The following FAM53B variants were observed in gnomAD, a reference collection of about 807,000 sequenced individuals.
The protein encoded by FAM53B is family with sequence similarity 53 member B, also known as protein FAM53B.
FAM53B carries 12 observed loss-of-function variants against 32.7 expected under a neutral mutation model. The observed-to-expected ratio is 0.37, with a 90% CI of 0.24 to 0.59. FAM53B has a LOEUF of 0.59. FAM53B is among the 20% of genes least tolerant of loss of function. The pLI, the probability that FAM53B is intolerant of heterozygous loss-of-function variation, is 0.72. For missense variants in FAM53B, 477 were observed against 577.7 expected (o/e 0.83, Z 1.79); for synonymous variants, 234 against 228.7 (o/e 1.02, Z -0.21).
At chr10:124,655,464 T>C (rs1359118472) in intron 4 of FAM53B, among the ~76,000 whole-genome samples, 1 of 151,044 alleles carries the variant, frequency 6.6e-6, no homozygotes, top group Non-Finnish European at 1.5e-5. Flanking sequence ...CCCACGAAGC[T>C]TCTCAGGACG....
At chr10:124,697,642 T>C (rs1262187349) in intron 2 of FAM53B, among the ~76,000 whole-genome samples, 1 of 152,018 alleles carries the variant, frequency 6.6e-6, no homozygotes, top group African/African-American at 2.4e-5. Flanking sequence ...AGATCAGGGC[T>C]GGAGGGGATG....
At chr10:124,719,936 G>C (rs1370577919) in intron 1 of FAM53B, among the ~76,000 whole-genome samples, 1 of 152,184 alleles carries the variant, frequency 6.6e-6, no homozygotes, top group Admixed American at 6.5e-5. Flanking sequence ...GCCAAGGCAG[G>C]CAGATCACCT....
chr10:124,670,350 T>C (rs1949700710), intron 4 of FAM53B, among the ~76,000 whole-genome samples: 2 of 152,148 alleles, frequency 1.3e-5, no homozygotes, highest in Non-Finnish European at 1.5e-5. Context: ...AAGATAAGCA[T>C]AGCAGTCAGG....
At chr10:124,654,125 C>T (rs1408579634) in intron 4 of FAM53B, among the ~76,000 whole-genome samples, 2 of 152,186 alleles carry the variant, frequency 1.3e-5, no homozygotes, top group Non-Finnish European at 2.9e-5. Context: ...CAGGTGCTAT[C>T]CTAAAGAAAG....
At chr10:124,699,951 G>A (rs1002547812) in intron 2 of FAM53B, among the ~76,000 whole-genome samples, 2 of 152,230 alleles carry the variant, frequency 1.3e-5, no homozygotes, top group African/African-American at 4.8e-5. Context: ...GCTTCAGGGA[G>A]TTCTCTTTCG....
At chr10:124,741,063 G>T (rs1008834275) in intron 1 of FAM53B, among the ~76,000 whole-genome samples, 2 of 152,224 alleles carry the variant, frequency 1.3e-5, no homozygotes, top group African/African-American at 2.4e-5. Context: ...CACCACTGGG[G>T]TTTGCAAGGA....
At chr10:124,702,050 G>C (rs1395270390) in intron 2 of FAM53B, among the ~76,000 whole-genome samples, 1 of 152,140 alleles carries the variant, frequency 6.6e-6, no homozygotes. Flanking sequence ...CCAGGGTTGC[G>C]AGGACCCTGG....
intron 1 of FAM53B, among the ~76,000 whole-genome samples, chr10:124,724,357 G>C (rs1950089453): frequency 6.6e-6 from 1 of 152,188 alleles, no homozygotes; most frequent in Non-Finnish European, 1.5e-5. Flanking sequence ...AGACAGGTCA[G>C]CTGCCACAAC....
At chr10:124,691,893 T>C (rs1456389105) in intron 3 of FAM53B, among the ~76,000 whole-genome samples, 1 of 152,166 alleles carries the variant, frequency 6.6e-6, no homozygotes, top group Non-Finnish European at 1.5e-5. Context: ...GGCCCCTCTT[T>C]GTACCCACTA....
At chr10:124,736,703 G>T (rs1950175927) in intron 1 of FAM53B, among the ~76,000 whole-genome samples, 1 of 152,266 alleles carries the variant, frequency 6.6e-6, no homozygotes, top group African/African-American at 2.4e-5. Context: ...GGTGGGGGCA[G>T]GCAGCAGCAA....
intron 1 of FAM53B, among the ~76,000 whole-genome samples, chr10:124,708,177 C>A (rs1442656369): frequency 6.6e-6 from 1 of 152,210 alleles, no homozygotes; most frequent in African/African-American, 2.4e-5. Context: ...AACTGCTCAA[C>A]ACAGGAAAAT....
At chr10:124,710,241 A>T (rs1489025966) in intron 1 of FAM53B, among the ~76,000 whole-genome samples, 1 of 152,184 alleles carries the variant, frequency 6.6e-6, no homozygotes, top group Non-Finnish European at 1.5e-5. Context: ...CTCCCAAAGG[A>T]GGTTAGAAGC....
chr10:124,631,142 T>G (rs1949388419), intron 4 of FAM53B, among the ~76,000 whole-genome samples: 1 of 152,238 alleles, frequency 6.6e-6, no homozygotes, highest in Non-Finnish European at 1.5e-5. Flanking sequence ...TTGGCCTTGC[T>G]GTCCCCGCTC....
At chr10:124,629,904 G>A (rs933085361) in intron 4 of FAM53B, among the ~76,000 whole-genome samples, 2 of 152,222 alleles carry the variant, frequency 1.3e-5, no homozygotes, top group African/African-American at 2.4e-5. Flanking sequence ...GGGGCCAGAG[G>A]GGTCAGGTGG....
At chr10:124,645,533 A>T (rs1408708103) in intron 4 of FAM53B, among the ~76,000 whole-genome samples, 1 of 152,014 alleles carries the variant, frequency 6.6e-6, no homozygotes, top group Non-Finnish European at 1.5e-5. Context: ...TTGAGTAGGG[A>T]TTTTGCCAGG....
chr10:124,710,075 G>A (rs1949990475), intron 1 of FAM53B, among the ~76,000 whole-genome samples: 2 of 152,366 alleles, frequency 1.3e-5, no homozygotes, highest in Non-Finnish European at 1.5e-5. Flanking sequence ...CCGCCGGGTC[G>A]GACTTGGAGT....
intron 1 of FAM53B, among the ~76,000 whole-genome samples, chr10:124,710,998 G>A (rs1457524509): frequency 2.6e-5 from 4 of 152,078 alleles, no homozygotes; most frequent in Non-Finnish European, 4.4e-5. Flanking sequence ...TAAGATTTAT[G>A]TTCACACACA....
chr10:124,630,317 G>A (rs927777825), intron 4 of FAM53B, among the ~76,000 whole-genome samples: 4 of 152,230 alleles, frequency 2.6e-5, no homozygotes, highest in African/African-American at 4.8e-5. Context: ...GGGAGGCTGA[G>A]GTGGGAGGAT....
chr10:124,682,258 G>A lies in FAM53B; in HGVS notation c.255C>T (p.Thr85=), dbSNP rs758820663. 4.2e-5 allele frequency: 67 copies of A among 1,613,892 alleles called. No homozygotes were observed. The highest frequency in any genetic ancestry group is 5.0e-5 in the Admixed American group (3 of 59,978). The change falls in exon 4 of 5, where the codon ACC becomes ACT. Residue 85 remains threonine, a synonymous_variant. Transcript: ENST00000337318. This position sits in a 1 kb window ranked among gnomAD's most constrained non-coding sequence, Gnocchi z 5.2. ...DSSLWHREAV[T]ACAVTSLIKD... Reference sequence around the variant, plus strand: ...TGATCAGACTGGTCACAGCGCAGGCGGTCACTGCCTCCCGGTGCCATAGTG... The same window carrying A: ...TGATCAGACTGGTCACAGCGCAGGCAGTCACTGCCTCCCGGTGCCATAGTG...
Sources: gnomAD v4.1 joint callset for allele counts (sites outside exome capture counted in the v4.1 genomes callset) on GRCh38, gnomAD v4.1.1 for gene constraint, Gnocchi (gnomAD v3.1) non-coding constraint, MANE v1.5 for transcripts, NCBI Gene and HGNC (gene_info 2026-07-23, HGNC 2026-07-21) for gene names.